Variants in PTPRM observed in about 807,000 individuals in gnomAD.
PTPRM encodes receptor-type tyrosine-protein phosphatase mu.
Under a neutral mutation model 186.7 loss-of-function variants are expected in PTPRM, and 47 were observed. The observed-to-expected ratio is 0.25, with a 90% CI of 0.20 to 0.32. The LOEUF (loss-of-function observed/expected upper bound fraction) is 0.32, where lower values mean the gene tolerates loss of function less well. Among genes scored for constraint, PTPRM ranks in the 10% least tolerant of loss-of-function variants. The probability of loss-of-function intolerance (pLI) is 1.00; values close to 1 mark genes in which losing one functional copy is unlikely to be tolerated. For missense variants in PTPRM, 1,494 were observed against 1,865.0 expected (o/e 0.80, Z 3.66); for synonymous variants, 668 against 674.9 (o/e 0.99, Z 0.16).
At chr18:8,096,415 A>G (rs545086736) in intron 11 of PTPRM, among the ~76,000 whole-genome samples, 95 of 152,326 alleles carry the variant, frequency 6.2e-4, no homozygotes, top group African/African-American at 2.2e-3. Flanking sequence ...AGGTTGTGTT[A>G]TGCGTTCCCC....
chr18:7,882,767 G>T (rs911816722), intron 2 of PTPRM, among the ~76,000 whole-genome samples: 4 of 152,170 alleles, frequency 2.6e-5, no homozygotes, highest in African/African-American at 7.2e-5. Flanking sequence ...ACTTGGAAGA[G>T]AATTCATGTA....
intron 1 of PTPRM, among the ~76,000 whole-genome samples, chr18:7,594,949 G>A (rs1244986096): frequency 6.6e-6 from 1 of 152,196 alleles, no homozygotes; most frequent in African/African-American, 2.4e-5. Flanking sequence ...TCGGGACTGA[G>A]TTTTGACAGT....
intron 5 of PTPRM, among the ~76,000 whole-genome samples, chr18:7,938,968 G>A (rs1191417655): frequency 1.3e-5 from 2 of 152,138 alleles, no homozygotes; most frequent in East Asian, 1.9e-4. Context: ...GGTTAACTTG[G>A]TTGTGGTCTA....
At chr18:7,648,197 C>G (rs184111039) in intron 1 of PTPRM, among the ~76,000 whole-genome samples, 1 of 152,056 alleles carries the variant, frequency 6.6e-6, no homozygotes, top group Non-Finnish European at 1.5e-5. Flanking sequence ...TTTGGGATGC[C>G]ATGAACCGTG....
At chr18:7,730,440 G>A (rs2040635257) in intron 1 of PTPRM, among the ~76,000 whole-genome samples, 1 of 152,112 alleles carries the variant, frequency 6.6e-6, no homozygotes, top group South Asian at 2.1e-4. Context: ...GCAGAGAAGT[G>A]TCCATATTAC....
intron 1 of PTPRM, among the ~76,000 whole-genome samples, chr18:7,589,249 A>G (rs1230518741): frequency 2.0e-5 from 3 of 152,206 alleles, no homozygotes; most frequent in African/African-American, 4.8e-5. Context: ...GCAGCAGGTC[A>G]TGTGGTTCCT....
Position 8,085,732 on chromosome 18 carries a change from G to C in PTPRM, c.1613G>C (p.Arg538Thr), listed in dbSNP as rs779722021. The change falls in exon 10 of 33, where the codon AGA becomes ACA. Residue 538 changes from arginine (R) to threonine (T), a missense_variant. Physicochemically the swap from Arg to Thr is moderately conservative, Grantham distance 71. Transcript: ENST00000580170. Reference sequence around the variant, plus strand: ...ATAGATTTATCCAATCAGAGTGGAAGAGTTTCAAAGCTGGGAAATGAAACC... The same window carrying C: ...ATAGATTTATCCAATCAGAGTGGAACAGTTTCAAAGCTGGGAAATGAAACC... ...PEIDLSNQSG[R>T]VSKLGNETHF... 1.9e-6 allele frequency: 3 copies of C among 1,611,838 alleles called. No homozygotes were observed. The highest frequency in any genetic ancestry group is 2.5e-6 in the Non-Finnish European group (3 of 1,178,092).
At chr18:8,105,747 C>G (rs2091486306) in intron 11 of PTPRM, among the ~76,000 whole-genome samples, 1 of 152,188 alleles carries the variant, frequency 6.6e-6, no homozygotes, top group South Asian at 2.1e-4. Context: ...CTGCTATAGA[C>G]AGGGAAGGTC....
chr18:8,017,063 G>A (rs1053945767), intron 7 of PTPRM, among the ~76,000 whole-genome samples: 4 of 152,240 alleles, frequency 2.6e-5, no homozygotes, highest in East Asian at 1.9e-4. Context: ...TTACATACGA[G>A]TGGGGTAGCT....
At chr18:7,662,545 C>T (rs1250227736) in intron 1 of PTPRM, among the ~76,000 whole-genome samples, 5 of 150,944 alleles carry the variant, frequency 3.3e-5, no homozygotes, top group Non-Finnish European at 7.4e-5. Context: ...GAGAGTAGGA[C>T]GATGGTTACC....
At chr18:8,391,597 G>A (rs1259264567) in intron 31 of PTPRM, among the ~76,000 whole-genome samples, 1 of 152,236 alleles carries the variant, frequency 6.6e-6, no homozygotes, top group East Asian at 1.9e-4. Flanking sequence ...TGATGGTATT[G>A]TTGAGGAAGG....
At chr18:7,736,272 C>G (rs2040769421) in intron 1 of PTPRM, among the ~76,000 whole-genome samples, 1 of 152,056 alleles carries the variant, frequency 6.6e-6, no homozygotes. Context: ...TTTGGCAGAT[C>G]TTCTGAGTTT....
chr18:8,313,913 G>C (rs1476490856), intron 20 of PTPRM, among the ~76,000 whole-genome samples: 1 of 152,126 alleles, frequency 6.6e-6, no homozygotes, highest in Non-Finnish European at 1.5e-5. Context: ...GCATTTGGGA[G>C]GTTGAGGCAG....
intron 14 of PTPRM, among the ~76,000 whole-genome samples, chr18:8,181,910 C>G (rs2093581037): frequency 6.6e-6 from 1 of 152,092 alleles, no homozygotes; most frequent in South Asian, 2.1e-4. Flanking sequence ...AAGGAAACCC[C>G]TTCTTTTAAA....
chr18:8,111,361 C>A (rs2091745395), intron 11 of PTPRM, among the ~76,000 whole-genome samples: 1 of 152,110 alleles, frequency 6.6e-6, no homozygotes, highest in Non-Finnish European at 1.5e-5. Context: ...GCCTGTAATC[C>A]CAGAACTTTG....
intron 31 of PTPRM, among the ~76,000 whole-genome samples, chr18:8,393,998 T>A (rs2095832532): frequency 6.6e-6 from 1 of 152,304 alleles, no homozygotes; most frequent in African/African-American, 2.4e-5. Flanking sequence ...TCACCGTGTT[T>A]AGCCAGGAAG....
intron 3 of PTPRM, among the ~76,000 whole-genome samples, chr18:7,900,725 T>C (rs2049623119): frequency 6.6e-6 from 1 of 152,222 alleles, no homozygotes; most frequent in Non-Finnish European, 1.5e-5. Flanking sequence ...TTACTTAACC[T>C]TTCTAAGTCA....
chr18:8,285,137 A>T (rs949676855), intron 19 of PTPRM, among the ~76,000 whole-genome samples: 2 of 152,226 alleles, frequency 1.3e-5, no homozygotes, highest in Non-Finnish European at 2.9e-5. Flanking sequence ...ATAACATGCC[A>T]ATTCAGTGGC....
At position 8,113,619 on chromosome 18, in the gene PTPRM, G is replaced by A; in HGVS notation, c.1990G>A (p.Glu664Lys). Residue 664 changes from glutamate to lysine, a missense_variant, in exon 12 of 33, where the codon GAA becomes AAA. Physicochemically the swap from Glu to Lys is moderately conservative, Grantham distance 56. Around this residue, in one of 3 missense-constraint regions of PTPRM, gnomAD observed 1,107 missense variants for 1,350.2 expected, o/e 0.82. Transcript: ENST00000580170. ...LLNSQYYFAAEFPADSLQAAQ... is the reference protein window; with the variant it reads ...LLNSQYYFAAKFPADSLQAAQ... ...GAACTCACAGTACTACTTTGCTGCA[G>A]AATTTCCTGCAGACAGCCTCCAAGC... is the stretch of plus-strand genomic sequence containing the variant. 1.9e-6 allele frequency: 3 copies of A among 1,614,114 alleles called. No individual in the cohort carries two copies. The highest frequency in any genetic ancestry group is 2.5e-6 in the Non-Finnish European group (3 of 1,180,002).
Sources: allele counts gnomAD v4.1 joint callset (sites outside exome capture counted in the v4.1 genomes callset), GRCh38; gene constraint gnomAD v4.1.1; regional missense constraint gnomAD v4.1.1; transcripts MANE v1.5; gene names NCBI Gene and HGNC (gene_info 2026-07-23, HGNC 2026-07-21).